DPYS: variants seen among roughly 807,000 people sequenced by gnomAD.
The protein encoded by DPYS is dihydropyrimidine amidohydrolase.
Under a neutral mutation model 50.3 loss-of-function variants are expected in DPYS, and 39 were observed. The ratio of observed to expected loss-of-function variants is 0.78; its 90% CI spans 0.60 to 1.01. The LOEUF is 1.01. Among genes scored for constraint, DPYS ranks in the 50% least tolerant of loss-of-function variants. The probability of loss-of-function intolerance (pLI) is 0.00; values close to 1 mark genes in which losing one functional copy is unlikely to be tolerated. For missense variants in DPYS, 659 were observed against 680.9 expected, an observed-to-expected ratio of 0.97 and a Z score of 0.36; for synonymous variants, 245 against 250.7, an observed-to-expected ratio of 0.98 and a Z score of 0.22.
intron 8 of DPYS, among the ~76,000 whole-genome samples, chr8:104,388,588 C>CT (rs989762288): frequency 3.3e-5 from 5 of 152,138 alleles, no homozygotes; most frequent in African/African-American, 1.2e-4. Flanking sequence ...TCCCCTCCCT[C>CT]TTTTCTTTTG....
rs535835159 is a variant in DPYS at position 104,381,018 on chromosome 8, G to C, written c.*14+166C>G. The C allele has an allele frequency of 1.3e-5, 8 of 623,738 alleles. 1 individual carries two copies. The South Asian group carries it at 1.4e-4, about 11-fold the overall frequency. 38.6% of individuals were successfully genotyped at this position (623,738 alleles called of 1,614,324 possible). On this transcript the variant is annotated intron_variant, in intron 9 of 9. Transcript: ENST00000351513. ...CCCAAGGCCTTCTACAATCTGGAAG[G>C]CTTATCTAAATGTTCTGCTTTGATC...
intron 2 of DPYS, among the ~76,000 whole-genome samples, chr8:104,448,594 T>TAC (rs751823903): frequency 1.4e-5 from 2 of 143,458 alleles, no homozygotes; most frequent in Non-Finnish European, 3.0e-5. Flanking sequence ...CACCCACACA[T>TAC]ACACACACAC....
At chr8:104,464,232 A>T (rs957790598) in intron 1 of DPYS, among the ~76,000 whole-genome samples, 28 of 152,234 alleles carry the variant, frequency 1.8e-4, no homozygotes, top group Non-Finnish European at 3.8e-4. Flanking sequence ...AACAGACTAT[A>T]CGCCATAAGG....
chr8:104,438,996 G>A (rs530863929), intron 4 of DPYS, among the ~76,000 whole-genome samples: 11 of 151,810 alleles, frequency 7.2e-5, no homozygotes, highest in Non-Finnish European at 1.3e-4. Context: ...TTGAGCCCAG[G>A]AAATTGAGGC....
chr8:104,422,099 G>A (rs1253060839), intron 7 of DPYS, among the ~76,000 whole-genome samples: 1 of 152,252 alleles, frequency 6.6e-6, no homozygotes, highest in South Asian at 2.1e-4. Context: ...AAATTAAAAC[G>A]GCAGACGAGG....
At chr8:104,420,690 T>C (rs1184169171) in intron 7 of DPYS, 2 of 141,214 alleles carry the variant, frequency 1.4e-5, no homozygotes, top group Non-Finnish European at 3.1e-5. Flanking sequence ...GAGAATATTT[T>C]TCCACTTTTC....
chr8:104,430,418 T>C (rs1053966355), intron 4 of DPYS, among the ~76,000 whole-genome samples: 1 of 152,004 alleles, frequency 6.6e-6, no homozygotes, highest in African/African-American at 2.4e-5. Context: ...GAATTTGAAA[T>C]TAAAATCAGA....
At chr8:104,432,450 G>A (rs767348555) in intron 4 of DPYS, among the ~76,000 whole-genome samples, 1 of 152,332 alleles carries the variant, frequency 6.6e-6, no homozygotes, top group South Asian at 2.1e-4. Context: ...AGAGAAGGTT[G>A]AAAGATGCAC....
chr8:104,394,499 A>C (rs972910237), intron 7 of DPYS, among the ~76,000 whole-genome samples: 37 of 150,180 alleles, frequency 2.5e-4, no homozygotes, highest in East Asian at 1.4e-3. Context: ...CCCAAAATAA[A>C]CCCCCCGCTT....
chr8:104,399,850 C>G (rs1811729830), intron 7 of DPYS, among the ~76,000 whole-genome samples: 1 of 102,082 alleles, frequency 9.8e-6, no homozygotes, highest in African/African-American at 3.9e-5. Flanking sequence ...GCCTGGGAGA[C>G]AGCAAGACTC....
At chr8:104,407,578 T>A (rs892234079) in intron 7 of DPYS, among the ~76,000 whole-genome samples, 8 of 152,232 alleles carry the variant, frequency 5.3e-5, no homozygotes, top group Non-Finnish European at 8.8e-5. Context: ...GAAGGCAAGT[T>A]GTCATGTTTT....
At chr8:104,464,580 TA>T (rs1228714440) in intron 1 of DPYS, among the ~76,000 whole-genome samples, 2 of 152,240 alleles carry the variant, frequency 1.3e-5, no homozygotes, top group Non-Finnish European at 2.9e-5. Context: ...AGCACTTTGT[TA>T]ATGATAAGTC....
chr8:104,389,546 T>A lies in DPYS; in HGVS notation c.1443+3238A>T, dbSNP rs199853595. Among the ~76,000 whole-genome samples the A allele has an allele frequency of 1.3e-3, 197 of 152,054 alleles. 4 individuals carry two copies. Among genetic ancestry groups the A allele is most frequent in the East Asian group, 0.011 (59 of 5,158 alleles). ...GACTATTTTCTTCCTTTTATTTTTT[T>A]TTTTTTGTCTCTACAGAGGTCCAGT... On this transcript the variant is annotated intron_variant, in intron 8 of 9. Transcript: ENST00000351513.
intron 8 of DPYS, among the ~76,000 whole-genome samples, chr8:104,383,537 T>C (rs1165311390): frequency 6.6e-6 from 1 of 151,916 alleles, no homozygotes; most frequent in Non-Finnish European, 1.5e-5. Context: ...TGGCCTGGCG[T>C]GGGCTGACTC....
At chr8:104,440,187 T>C (rs1813299414) in intron 4 of DPYS, among the ~76,000 whole-genome samples, 4 of 152,224 alleles carry the variant, frequency 2.6e-5, no homozygotes, top group African/African-American at 9.6e-5. Flanking sequence ...TTGTTATCAT[T>C]ACTATCCCGC....
chr8:104,426,255 T>G (rs907132108), intron 6 of DPYS, among the ~76,000 whole-genome samples: 2 of 152,150 alleles, frequency 1.3e-5, no homozygotes, highest in African/African-American at 4.8e-5. Flanking sequence ...GAGAGAACAA[T>G]AGCACAAACA....
intron 8 of DPYS, among the ~76,000 whole-genome samples, chr8:104,381,930 C>T (rs565032466): frequency 2.6e-5 from 4 of 151,422 alleles, no homozygotes; most frequent in African/African-American, 9.7e-5. Flanking sequence ...ATTTTGACCA[C>T]CCAAACTAAT....
chr8:104,463,465 A>T (rs1469690166), intron 1 of DPYS, among the ~76,000 whole-genome samples: 1 of 152,196 alleles, frequency 6.6e-6, no homozygotes, highest in Non-Finnish European at 1.5e-5. Flanking sequence ...TCTGAACATT[A>T]TATGTTTTTT....
rs550038145 is a variant in DPYS at position 104,447,966 on chromosome 8, C to T, written c.424-463G>A. ...GAGAAAGTAGAAGATGCAGATGGAC[C>T]CGGGCATGCCCAAGAAAGCACAAAC... On this transcript the variant is annotated intron_variant, in intron 2 of 9. Transcript: ENST00000351513. Among the ~76,000 whole-genome samples, 9 of 152,150 alleles carry T rather than the reference C, an allele frequency of 5.9e-5. No homozygotes were observed. In the East Asian group the frequency reaches 1.7e-3, roughly 29 times the overall value.
Sources: allele counts gnomAD v4.1 joint callset (sites outside exome capture counted in the v4.1 genomes callset), GRCh38; gene constraint gnomAD v4.1.1; transcripts MANE v1.5; gene names NCBI Gene and HGNC (gene_info 2026-07-23, HGNC 2026-07-21).